The following LMO3 variants were observed in gnomAD, a reference collection of about 807,000 sequenced individuals.
LMO3 encodes LIM domain only 3.
Under a neutral mutation model 15.8 loss-of-function variants are expected in LMO3, and 2 were observed. The ratio of observed to expected loss-of-function variants is 0.13; its 90% CI spans 0.05 to 0.40. The LOEUF is 0.40. Ranked by LOEUF, LMO3 falls within the 10% of genes least tolerant of loss-of-function variation. LMO3 has a pLI of 0.99. For missense variants in LMO3, 86 were observed against 182.2 expected (o/e 0.47, Z 3.04); for synonymous variants, 62 against 63.8 (o/e 0.97, Z 0.13).
rs1943644087 is a variant in LMO3, at chr12:16,596,043, T to G, written c.206+4612A>C. ...ATTAACAACATATTCCTATTTACCTTTACACTTATAATTATGTACCAATAT... is the reference window on the plus strand; with the variant it reads ...ATTAACAACATATTCCTATTTACCTGTACACTTATAATTATGTACCAATAT... On this transcript the variant is annotated intron_variant, in intron 2 of 3. Transcript: ENST00000537304. The surrounding 1 kb of genome is among the most constrained non-coding windows in gnomAD (Gnocchi z 4.3). Among the ~76,000 whole-genome samples the G allele has an allele frequency of 6.6e-6, 1 of 151,534 alleles. No individual in the cohort carries two copies. Among genetic ancestry groups the G allele is most frequent in the South Asian group, 2.1e-4 (1 of 4,832 alleles).
rs1316369525 is a variant in LMO3, at chr12:16,584,751, C to T, written c.206+15904G>A. On this transcript the variant is annotated intron_variant, in intron 2 of 3. Transcript: ENST00000537304. This position sits in a 1 kb window ranked among gnomAD's most constrained non-coding sequence, Gnocchi z 5.2. ...TCTTTTATCAGGACGGGCTGCTTCTCGCCTCACAAAGCAGTGCCAAGACTC... is the reference window on the plus strand; with the variant it reads ...TCTTTTATCAGGACGGGCTGCTTCTTGCCTCACAAAGCAGTGCCAAGACTC... 6.6e-6 allele frequency among the ~76,000 whole-genome samples: 1 copy of T among 152,170 alleles called. No homozygotes were observed. The highest frequency in any genetic ancestry group is 1.5e-5 in the Non-Finnish European group (1 of 68,038).
intron 2 of LMO3, among the ~76,000 whole-genome samples, chr12:16,575,935 G>A (rs80145632): frequency 3.0e-4 from 46 of 152,220 alleles, no homozygotes; most frequent in African/African-American, 1.1e-3. Flanking sequence ...AGAAATGAAT[G>A]TCGGAACATT....
chr12:16,583,850 T>C (rs1316561581), intron 2 of LMO3, among the ~76,000 whole-genome samples: 1 of 152,074 alleles, frequency 6.6e-6, no homozygotes, highest in African/African-American at 2.4e-5. Flanking sequence ...GGGTTCATAG[T>C]GGGCAGGAAA....
At chr12:16,579,634 C>T (rs1175713425) in intron 2 of LMO3, among the ~76,000 whole-genome samples, 1 of 152,168 alleles carries the variant, frequency 6.6e-6, no homozygotes, top group African/African-American at 2.4e-5. Context: ...TAGTTGAAGT[C>T]TTACTCAGTA....
At chr12:16,571,779 G>A (rs548085371) in intron 2 of LMO3, among the ~76,000 whole-genome samples, 85 of 152,126 alleles carry the variant, frequency 5.6e-4, no homozygotes, top group African/African-American at 2.0e-3. Context: ...TAATCAAAGT[G>A]TAACTGGATC....
At chr12:16,557,036 A>T (rs373998487) in intron 3 of LMO3, among the ~76,000 whole-genome samples, 2 of 152,230 alleles carry the variant, frequency 1.3e-5, no homozygotes, top group East Asian at 3.8e-4. Flanking sequence ...TACTTGACTG[A>T]GTTCTCCTGA....
chr12:16,566,011 TA>T (rs1942590110), intron 2 of LMO3, among the ~76,000 whole-genome samples: 2 of 76,736 alleles, frequency 2.6e-5, no homozygotes, highest in African/African-American at 9.3e-5. Context: ...TATATATATA[TA>T]TATATATATA....
intron 2 of LMO3, among the ~76,000 whole-genome samples, chr12:16,595,107 A>T (rs1174654391): frequency 6.6e-6 from 1 of 151,512 alleles, no homozygotes; most frequent in Non-Finnish European, 1.5e-5. Flanking sequence ...TAACTTATCC[A>T]TCTTACATGT....
At chr12:16,607,966 A>C (rs187324145), upstream of LMO3, 3 of 152,300 alleles carry the variant, frequency 2.0e-5, no homozygotes, top group Non-Finnish European at 4.4e-5. Context: ...CAGACGGTAG[A>C]TTAATGAGAA....
intron 2 of LMO3, among the ~76,000 whole-genome samples, chr12:16,569,856 A>G (rs1942752435): frequency 6.6e-6 from 1 of 152,196 alleles, no homozygotes; most frequent in Admixed American, 6.6e-5. Flanking sequence ...CATATGTACT[A>G]AAACAGAAAT....
In LMO3 at chr12:16,603,086, G is replaced by A. The variant is rs1943877542; in HGVS notation, c.-8-2218C>T. ...GAAGGTCAGCTGTTTTATTCAAAATGCTTTGCAACCAAGACAGGGGATACC... is the reference window on the plus strand; with the variant it reads ...GAAGGTCAGCTGTTTTATTCAAAATACTTTGCAACCAAGACAGGGGATACC... On this transcript the variant is annotated intron_variant, in intron 1 of 3. Transcript: ENST00000537304. This position sits in a 1 kb window ranked among gnomAD's most constrained non-coding sequence, Gnocchi z 4.9. 6.6e-6 allele frequency among the ~76,000 whole-genome samples: 1 copy of A among 151,874 alleles called. No homozygotes were observed. Among genetic ancestry groups the A allele is most frequent in the Admixed American group, 6.6e-5 (1 of 15,260 alleles).
intron 2 of LMO3, among the ~76,000 whole-genome samples, chr12:16,572,296 G>C (rs1304216570): frequency 1.5e-5 from 2 of 134,284 alleles, no homozygotes; most frequent in Admixed American, 1.5e-4. Flanking sequence ...ATACAATATT[G>C]TTCATAAACA....
At chr12:16,557,809 TTAAG>T (rs1295460321) in intron 3 of LMO3, among the ~76,000 whole-genome samples, 1 of 152,036 alleles carries the variant, frequency 6.6e-6, no homozygotes. Context: ...TTCAGAGAGA[TTAAG>T]TAACATACTC....
Position 16,599,521 on chromosome 12 carries a change from G to C in LMO3, c.206+1134C>G, listed in dbSNP as rs902228688. 5 of 151,970 alleles carry C rather than the reference G, an allele frequency of 3.3e-5. No individual in the cohort carries two copies. The highest frequency in any genetic ancestry group is 2.6e-4 in the Admixed American group (4 of 15,242). 9.4% of individuals were successfully genotyped at this position (151,970 alleles called of 1,614,324 possible). A position where few individuals can be genotyped will look rare whatever the true frequency, so the allele number is the denominator to read the frequency against. On this transcript the variant is annotated intron_variant, in intron 2 of 3. Coordinates refer to ENST00000537304, the MANE Select transcript of LMO3 (RefSeq NM_018640.5). This position sits in a 1 kb window ranked among gnomAD's most constrained non-coding sequence, Gnocchi z 4.1. ...AGAAAACACCTCATCAAATGACCAA[G>C]GTACTAAAGGAGTTACCATTGATTG...
chr12:16,558,599 C>T (rs941816737), intron 3 of LMO3, among the ~76,000 whole-genome samples: 1 of 152,030 alleles, frequency 6.6e-6, no homozygotes, highest in African/African-American at 2.4e-5. Flanking sequence ...CTAAATGTTA[C>T]CCTAGACTGA....
chr12:16,577,898 T>A (rs1264188464), intron 2 of LMO3, among the ~76,000 whole-genome samples: 1 of 152,222 alleles, frequency 6.6e-6, no homozygotes, highest in African/African-American at 2.4e-5. Flanking sequence ...GATCACAAAT[T>A]ATTTTATGTG....
intron 2 of LMO3, among the ~76,000 whole-genome samples, chr12:16,566,079 C>T (rs1453008962): frequency 3.0e-5 from 4 of 131,724 alleles, no homozygotes; most frequent in African/African-American, 1.1e-4. Flanking sequence ...GAATGAAATC[C>T]TGTCATTTGT....
rs770717125 is a variant in LMO3, at chr12:16,586,720, TG to T, written c.206+13934del. The stretch of plus-strand genomic sequence containing the variant: ...TTTGACCCCCCATTGCAGTAGATGA[TG>T]TTTTTTTCCATTTCTCTGGTACTTG... On this transcript the variant is annotated intron_variant, in intron 2 of 3. Coordinates refer to ENST00000537304, the MANE Select transcript of LMO3 (RefSeq NM_018640.5). The surrounding 1 kb of genome is among the most constrained non-coding windows in gnomAD (Gnocchi z 4.3). 1.3e-5 allele frequency among the ~76,000 whole-genome samples: 2 copies of T among 152,178 alleles called. No homozygotes were observed. Among genetic ancestry groups the T allele is most frequent in the African/African-American group, 2.4e-5 (1 of 41,450 alleles).
chr12:16,598,401 A>C lies in LMO3; in HGVS notation c.206+2254T>G, dbSNP rs1943721397. 6.6e-6 allele frequency: 1 copy of C among 152,156 alleles called. No individual in the cohort carries two copies. The highest frequency in any genetic ancestry group is 2.4e-5 in the African/African-American group (1 of 41,460). The allele number at this position is 152,156 out of a possible 1,614,324, so 9.4% of individuals were successfully genotyped here. A position where few individuals can be genotyped will look rare whatever the true frequency, so the allele number is the denominator to read the frequency against. On this transcript the variant is annotated intron_variant, in intron 2 of 3. Coordinates refer to ENST00000537304, the MANE Select transcript of LMO3 (RefSeq NM_018640.5). The surrounding 1 kb of genome is among the most constrained non-coding windows in gnomAD (Gnocchi z 4.3). ...TAACAACTTAGTTTGAAATGTTAAC[A>C]ACCGTTAGGCTGTTAACATAACAAC...
Sources: gnomAD v4.1 joint callset for allele counts (sites outside exome capture counted in the v4.1 genomes callset) on GRCh38, gnomAD v4.1.1 for gene constraint, Gnocchi (gnomAD v3.1) non-coding constraint, MANE v1.5 for transcripts, NCBI Gene and HGNC (gene_info 2026-07-23, HGNC 2026-07-21) for gene names.